Variants in FBN1 observed in about 807,000 individuals in gnomAD.
FBN1 encodes the protein fibrillin-1.
In FBN1, 29 loss-of-function variants were observed where a neutral mutation model predicts 365.1. That is an observed-to-expected ratio of 0.08 (90% CI 0.06 to 0.11). The LOEUF is 0.11. Among genes scored for constraint, FBN1 ranks in the 10% least tolerant of loss-of-function variants. FBN1 has a pLI of 1.00. For missense variants in FBN1, 2,476 were observed against 3,703.2 expected (o/e 0.67, Z 8.60); for synonymous variants, 1,210 against 1,270.5 (o/e 0.95, Z 1.01).
Position 48,464,001 on chromosome 15 carries a change from G to T in FBN1, c.4963C>A (p.Pro1655Thr). 6.2e-7 allele frequency: 1 copy of T among 1,613,952 alleles called. No individual in the cohort carries two copies. Among genetic ancestry groups the T allele is most frequent in the Non-Finnish European group, 8.5e-7 (1 of 1,179,876 alleles). Reference protein sequence around the residue: ...VCDDVNECETPGICGPGTCYN... With the variant: ...VCDDVNECETTGICGPGTCYN... ...CATGTCCCTGGACCACAGATTCCAGGAGTCTCACATTCATTCACATCTATA... is the reference window on the plus strand; with the variant it reads ...CATGTCCCTGGACCACAGATTCCAGTAGTCTCACATTCATTCACATCTATA... The change falls in exon 41 of 66, where the codon CCT becomes ACT. Residue 1655 changes from proline (P) to threonine (T), a missense_variant. Pro to Thr is a conservative substitution (Grantham distance 38, BLOSUM62 -1). This residue lies in a region of FBN1 where 1,780 missense variants were observed against 2,840.8 expected (regional missense o/e 0.63). Transcript: ENST00000316623.
At chr15:48,478,028 G>A (rs953437459) in intron 32 of FBN1, among the ~76,000 whole-genome samples, 1 of 152,176 alleles carries the variant, frequency 6.6e-6, no homozygotes, top group Non-Finnish European at 1.5e-5. Flanking sequence ...GGGAGAGGCT[G>A]TATCACCCAC....
chr15:48,567,106 G>A (rs576561535), intron 6 of FBN1, among the ~76,000 whole-genome samples: 3 of 152,136 alleles, frequency 2.0e-5, no homozygotes, highest in Non-Finnish European at 4.4e-5. Flanking sequence ...TTACACCAGT[G>A]CTTTACACCA....
intron 60 of FBN1, among the ~76,000 whole-genome samples, chr15:48,423,237 C>A (rs2042956388): frequency 6.6e-6 from 1 of 152,198 alleles, no homozygotes; most frequent in Non-Finnish European, 1.5e-5. Flanking sequence ...AACCACTATG[C>A]CCTCACCATC....
rs982468949 is a variant in FBN1 at position 48,534,149 on chromosome 15, T to A, written c.793A>T (p.Thr265Ser). The change falls in exon 8 of 66, where the codon ACT becomes TCT. Residue 265 changes from threonine (T) to serine (S), a missense_variant. This residue lies in a region of FBN1 where 421 missense variants were observed against 520.1 expected (regional missense o/e 0.81). Transcript: ENST00000316623. ...GLCQGGNCIN[T>S]VGSFECKCPA... ...CATTTGCACTCAAAAGACCCAACAGTATTAATGCAATTTCCTCCCTGACAG... is the reference window on the plus strand; with the variant it reads ...CATTTGCACTCAAAAGACCCAACAGAATTAATGCAATTTCCTCCCTGACAG... 2.2e-5 allele frequency: 35 copies of A among 1,613,770 alleles called. No individual in the cohort carries two copies. Among genetic ancestry groups the A allele is most frequent in the Non-Finnish European group, 2.9e-5 (34 of 1,179,934 alleles).
intron 11 of FBN1, 52 bp from the exon 12 acceptor site, chr15:48,515,579 T>C: frequency 6.2e-7 from 1 of 1,603,110 alleles, no homozygotes; most frequent in Non-Finnish European, 8.5e-7. Context: ...GTATCTTTCA[T>C]CAGTACTTAA....
chr15:48,462,940 G>T, intron 42 of FBN1, 142 bp downstream of exon 42: 1 of 817,356 alleles, frequency 1.2e-6, no homozygotes, highest in Non-Finnish European at 2.1e-6. Context: ...AGCACCAACT[G>T]TGAATTTAAA....
At chr15:48,543,308 G>T (rs1302757843) in intron 6 of FBN1, among the ~76,000 whole-genome samples, 1 of 152,076 alleles carries the variant, frequency 6.6e-6, no homozygotes, top group Admixed American at 6.5e-5. Flanking sequence ...GCTGCAGCTT[G>T]TATCTGAGTG....
At chr15:48,585,409 T>C (rs2044428157) in intron 6 of FBN1, among the ~76,000 whole-genome samples, 1 of 152,238 alleles carries the variant, frequency 6.6e-6, no homozygotes, top group Non-Finnish European at 1.5e-5. Context: ...GAGAACATTT[T>C]TTTTCATGCG....
chr15:48,421,711 A>C, intron 61 of FBN1, 25 bp from the exon 62 acceptor site: 1 of 1,610,806 alleles, frequency 6.2e-7, no homozygotes, highest in Non-Finnish European at 8.5e-7. Flanking sequence ...GGGGGCAAAG[A>C]GGGGTTAAAA....
rs922037637 is a variant in FBN1 at position 48,523,720 on chromosome 15, G to C, written c.988+2410C>G. On this transcript the variant is annotated intron_variant, in intron 9 of 65. Transcript: ENST00000316623. ...CACACCAAGGGTGGCTGGGGGGGGGGGGGAACCGTTGTGGTGGTATGTCAC... is the reference window on the plus strand; with the variant it reads ...CACACCAAGGGTGGCTGGGGGGGGGCGGGAACCGTTGTGGTGGTATGTCAC... Among the ~76,000 whole-genome samples the C allele has an allele frequency of 1.2e-4, 18 of 149,714 alleles. 1 individual carries two copies. Among genetic ancestry groups the C allele is most frequent in the Non-Finnish European group, 2.1e-4 (14 of 67,560 alleles).
At chr15:48,492,335 C>T (rs1431281303) in intron 24 of FBN1, 126 bp downstream of exon 24, 9 of 892,550 alleles carry the variant, frequency 1.0e-5, no homozygotes, top group East Asian at 5.3e-5. Context: ...TGGACCCTAT[C>T]GGACATGCTG....
At chr15:48,605,012 T>G (rs1356889070) in intron 4 of FBN1, among the ~76,000 whole-genome samples, 4 of 152,176 alleles carry the variant, frequency 2.6e-5, no homozygotes, top group African/African-American at 9.7e-5. Flanking sequence ...CTGCTGACAC[T>G]CTCATTGAAT....
intron 2 of FBN1, among the ~76,000 whole-genome samples, chr15:48,637,709 G>A (rs1427592548): frequency 2.0e-5 from 3 of 152,054 alleles, no homozygotes; most frequent in Non-Finnish European, 2.9e-5. Context: ...CTATTCTATT[G>A]AACATGTGCC....
intron 4 of FBN1, among the ~76,000 whole-genome samples, chr15:48,604,260 CAGGAAGAACACTGGG>C (rs1314418118): frequency 6.6e-6 from 1 of 152,124 alleles, no homozygotes; most frequent in Non-Finnish European, 1.5e-5. Flanking sequence ...GCACAACTGG[CAGGAAGAACACTGGG>C]AGCAATTTGC....
chr15:48,520,359 T>C (rs1453278318), intron 10 of FBN1, among the ~76,000 whole-genome samples: 1 of 152,186 alleles, frequency 6.6e-6, no homozygotes, highest in Non-Finnish European at 1.5e-5. Context: ...ACTGAGCTTT[T>C]GAGTACTCCA....
intron 24 of FBN1, among the ~76,000 whole-genome samples, chr15:48,490,656 G>A (rs928898789): frequency 1.3e-5 from 2 of 152,192 alleles, no homozygotes; most frequent in African/African-American, 2.4e-5. Flanking sequence ...GTGCTTAAGG[G>A]CACATTCTTC....
At chr15:48,544,992 G>A (rs958754623) in intron 6 of FBN1, among the ~76,000 whole-genome samples, 1 of 152,186 alleles carries the variant, frequency 6.6e-6, no homozygotes, top group African/African-American at 2.4e-5. Flanking sequence ...AGTTGGCTCT[G>A]ATTCATTCCC....
chr15:48,430,207 T>C (rs962868477), intron 56 of FBN1, among the ~76,000 whole-genome samples: 1 of 152,128 alleles, frequency 6.6e-6, no homozygotes, highest in Non-Finnish European at 1.5e-5. Flanking sequence ...TGAGGAGCTT[T>C]AAAAAAATAT....
chr15:48,432,363 T>C (rs1194222415), intron 55 of FBN1, among the ~76,000 whole-genome samples: 1 of 152,194 alleles, frequency 6.6e-6, no homozygotes, highest in East Asian at 1.9e-4. Flanking sequence ...CCTAGTTCAG[T>C]GCTTAGGAAA....
Sources: gnomAD v4.1 joint callset for allele counts (sites outside exome capture counted in the v4.1 genomes callset) on GRCh38, gnomAD v4.1.1 for gene constraint, gnomAD v4.1.1 regional missense constraint, MANE v1.5 for transcripts, NCBI Gene and HGNC (gene_info 2026-07-23, HGNC 2026-07-21) for gene names.